SYN2: variants seen among roughly 807,000 people sequenced by gnomAD.
SYN2 encodes the protein synapsin II.
Under a neutral mutation model 50.9 loss-of-function variants are expected in SYN2, and 19 were observed. The observed-to-expected ratio is 0.37, with a 90% CI of 0.26 to 0.55. The LOEUF (loss-of-function observed/expected upper bound fraction) is 0.55, where lower values mean the gene tolerates loss of function less well. Among genes scored for constraint, SYN2 ranks in the 20% least tolerant of loss-of-function variants. The probability of loss-of-function intolerance (pLI) is 0.81; values close to 1 mark genes in which losing one functional copy is unlikely to be tolerated. For synonymous variants in SYN2, 255 were observed against 224.9 expected, an observed-to-expected ratio of 1.13 and a Z score of -1.20; for missense variants, 587 against 576.4, an observed-to-expected ratio of 1.02 and a Z score of -0.19.
chr3:12,149,035 A>G (rs1358154630), intron 4 of SYN2, among the ~76,000 whole-genome samples: 11 of 152,328 alleles, frequency 7.2e-5, no homozygotes, highest in African/African-American at 2.4e-4. Flanking sequence ...CCTTGAGCAG[A>G]CAGGGACTGC....
rs72624441 is a variant in SYN2, at chr3:12,004,539, C to A, written c.-13C>A. ...ACCCCGTAGCCCCGCGCGCCCCCAG[C>A]CCTTTAAGCCAGATGATGAACTTCC... On this transcript the variant is annotated 5_prime_UTR_variant, in exon 1 of 13. Transcript: ENST00000621198. 1 of 631,090 alleles carries A rather than the reference C, an allele frequency of 1.6e-6. No homozygotes were observed. Among genetic ancestry groups the A allele is most frequent in the South Asian group, 1.7e-5 (1 of 58,080 alleles). The allele number at this position is 631,090 out of a possible 1,614,324, so 39.1% of individuals were successfully genotyped here.
intron 1 of SYN2, among the ~76,000 whole-genome samples, chr3:12,033,120 G>T (rs1014975649): frequency 1.3e-5 from 2 of 151,694 alleles, no homozygotes; most frequent in Non-Finnish European, 2.9e-5. Context: ...TCAGCTGCAG[G>T]TCTGTTGGAA....
At chr3:12,025,007 C>T (rs1694223757) in intron 1 of SYN2, among the ~76,000 whole-genome samples, 2 of 152,178 alleles carry the variant, frequency 1.3e-5, no homozygotes, top group Non-Finnish European at 2.9e-5. Flanking sequence ...TCTCACAGTT[C>T]TGGAGGCTGA....
chr3:12,048,151 T>C (rs1029952114), intron 1 of SYN2, among the ~76,000 whole-genome samples: 1 of 152,184 alleles, frequency 6.6e-6, no homozygotes, highest in Non-Finnish European at 1.5e-5. Context: ...TACATTTTAC[T>C]TTCCCAAGGG....
chr3:12,036,312 G>A (rs1297002754), intron 1 of SYN2, among the ~76,000 whole-genome samples: 1 of 152,192 alleles, frequency 6.6e-6, no homozygotes, highest in East Asian at 1.9e-4. Context: ...CCTGTGACAA[G>A]TCTCTGCGTT....
At chr3:12,144,949 T>TGAACCTGG (rs964256581) in intron 3 of SYN2, among the ~76,000 whole-genome samples, 1 of 152,134 alleles carries the variant, frequency 6.6e-6, no homozygotes, top group African/African-American at 2.4e-5. Context: ...AAGAATCTCT[T>TGAACCTGG]GAACCTGGGA....
chr3:12,040,249 G>A (rs1374843816), intron 1 of SYN2, among the ~76,000 whole-genome samples: 1 of 152,096 alleles, frequency 6.6e-6, no homozygotes, highest in Non-Finnish European at 1.5e-5. Context: ...GACAGAAAGG[G>A]CAGTGAAAGT....
At chr3:12,103,321 A>C (rs183866768) in intron 1 of SYN2, among the ~76,000 whole-genome samples, 7 of 152,312 alleles carry the variant, frequency 4.6e-5, no homozygotes, top group Admixed American at 4.6e-4. Context: ...AAGATGTAAA[A>C]AAGAAAGGCA....
At chr3:12,188,577 G>A (rs1227206655) in intron 12 of SYN2, among the ~76,000 whole-genome samples, 1 of 151,410 alleles carries the variant, frequency 6.6e-6, no homozygotes. Flanking sequence ...AGATCATGTA[G>A]TCATTGCAGA....
chr3:12,081,245 A>G (rs1193867716), intron 1 of SYN2, among the ~76,000 whole-genome samples: 1 of 152,224 alleles, frequency 6.6e-6, no homozygotes, highest in African/African-American at 2.4e-5. Context: ...GCATTGCTGT[A>G]AGAATGTCCA....
In SYN2 at chr3:12,190,728, T is replaced by C; in HGVS notation, c.*103T>C. 1 of 1,509,168 alleles carries C rather than the reference T, an allele frequency of 6.6e-7. No homozygotes were observed. The highest frequency in any genetic ancestry group is 2.3e-5 in the East Asian group (1 of 42,686). The allele number at this position is 1,509,168 out of a possible 1,614,324, so 93.5% of individuals were successfully genotyped here. On this transcript the variant is annotated 3_prime_UTR_variant, in exon 13 of 13. Coordinates refer to ENST00000621198, the MANE Select transcript of SYN2 (RefSeq NM_133625.6). ...GTGGTTATGTCCCATGACCTTGACGTGTGTGGTCCCTTCCTCTGCTCTGTT... is the reference window on the plus strand; with the variant it reads ...GTGGTTATGTCCCATGACCTTGACGCGTGTGGTCCCTTCCTCTGCTCTGTT...
intron 1 of SYN2, among the ~76,000 whole-genome samples, chr3:12,043,009 T>G (rs611868): frequency 6.6e-6 from 1 of 151,762 alleles, no homozygotes; most frequent in African/African-American, 2.4e-5. Flanking sequence ...CACCTTTTTT[T>G]TCCTTCTCTT....
chr3:12,085,275 CAAA>C (rs1038950285), intron 1 of SYN2, among the ~76,000 whole-genome samples: 3 of 151,446 alleles, frequency 2.0e-5, no homozygotes, highest in Non-Finnish European at 2.9e-5. Context: ...TAAAAAAAGA[CAAA>C]GAAGGTCATT....
intron 1 of SYN2, among the ~76,000 whole-genome samples, chr3:12,052,555 G>A (rs943494562): frequency 2.6e-5 from 4 of 152,192 alleles, no homozygotes; most frequent in Admixed American, 6.5e-5. Flanking sequence ...AATTTATGGA[G>A]AAGGAATAGA....
intron 1 of SYN2, among the ~76,000 whole-genome samples, chr3:12,126,030 T>C (rs937270954): frequency 6.6e-6 from 1 of 152,208 alleles, no homozygotes. Flanking sequence ...CAAGTGAAGA[T>C]AGTCATATAC....
chr3:12,117,724 ATCT>A (rs1239090482), intron 1 of SYN2, among the ~76,000 whole-genome samples: 2 of 152,216 alleles, frequency 1.3e-5, no homozygotes, highest in Non-Finnish European at 1.5e-5. Context: ...CAAGTTTTAA[ATCT>A]TCTCCTCTGT....
intron 1 of SYN2, among the ~76,000 whole-genome samples, chr3:12,090,340 C>T (rs17035793): frequency 0.083 from 12,540 of 150,910 alleles, 1,699 homozygotes; most frequent in African/African-American, 0.28. Context: ...ATAAACGAAA[C>T]AGGTCATACC....
At chr3:12,183,169 G>C (rs1012246283) in intron 10 of SYN2, 143 bp from the exon 11 acceptor site, 2 of 1,181,410 alleles carry the variant, frequency 1.7e-6, no homozygotes, top group South Asian at 3.3e-5. Context: ...TTCTGGAGCA[G>C]CAGAAGCCTA....
chr3:12,152,790 A>C (rs1233112906), intron 5 of SYN2, among the ~76,000 whole-genome samples: 4 of 152,238 alleles, frequency 2.6e-5, no homozygotes, highest in African/African-American at 9.6e-5. Context: ...CCTTATGGAC[A>C]TCAGTTGAGG....
Sources: gnomAD v4.1 joint callset for allele counts (sites outside exome capture counted in the v4.1 genomes callset) on GRCh38, gnomAD v4.1.1 for gene constraint, MANE v1.5 for transcripts, NCBI Gene and HGNC (gene_info 2026-07-23, HGNC 2026-07-21) for gene names.